The following VDAC1 variants were observed in gnomAD, a reference collection of about 807,000 sequenced individuals.
The protein encoded by VDAC1 is voltage dependent anion channel 1, also known as non-selective voltage-gated ion channel VDAC1.
A neutral mutation model predicts 34.7 loss-of-function variants in VDAC1; 10 were observed. The ratio of observed to expected loss-of-function variants is 0.29; its 90% CI spans 0.18 to 0.49. The LOEUF is 0.49. Among genes scored for constraint, VDAC1 ranks in the 20% least tolerant of loss-of-function variants. The probability of loss-of-function intolerance (pLI) is 0.99; values close to 1 mark genes in which losing one functional copy is unlikely to be tolerated. For synonymous variants in VDAC1, 130 were observed against 136.0 expected (o/e 0.96, Z 0.30); for missense variants, 230 against 347.9 (o/e 0.66, Z 2.69).
At chr5:134,074,251 G>A in the VDAC1 span, among the ~76,000 whole-genome samples, 14 of 151,852 alleles carry the variant, frequency 9.2e-5, 1 homozygote, top group East Asian at 5.8e-4. Context: ...GGCAGAGCTC[G>A]CAGTGAGCCA....
the VDAC1 span, among the ~76,000 whole-genome samples, chr5:134,114,352 TG>T: frequency 2.0e-5 from 3 of 152,044 alleles, no homozygotes; most frequent in African/African-American, 7.2e-5. Context: ...ACGGCTGCGA[TG>T]GTAAGCCACG....
the VDAC1 span, among the ~76,000 whole-genome samples, chr5:134,038,911 CATT>C: frequency 1.6e-3 from 190 of 120,988 alleles, no homozygotes; most frequent in African/African-American, 7.1e-3. Context: ...TTGTGTCTAT[CATT>C]GAGATAGACA....
At chr5:134,031,781 T>G in the VDAC1 span, among the ~76,000 whole-genome samples, 1 of 151,516 alleles carries the variant, frequency 6.6e-6, no homozygotes, top group Non-Finnish European at 1.5e-5. Context: ...CGAAACCCCA[T>G]CTCTACTAAA....
the VDAC1 span, among the ~76,000 whole-genome samples, chr5:134,072,535 G>A: frequency 1.3e-5 from 2 of 152,160 alleles, no homozygotes; most frequent in Non-Finnish European, 2.9e-5. Flanking sequence ...ACAGCACACT[G>A]GGGGGAAAGG....
the VDAC1 span, among the ~76,000 whole-genome samples, chr5:134,070,150 A>T: frequency 6.6e-6 from 1 of 151,250 alleles, no homozygotes; most frequent in Admixed American, 6.6e-5. Flanking sequence ...TTACTTTCTT[A>T]TTTTTTTTGG....
At chr5:134,040,519 G>A in the VDAC1 span, among the ~76,000 whole-genome samples, 1 of 151,910 alleles carries the variant, frequency 6.6e-6, no homozygotes, top group East Asian at 1.9e-4. Context: ...AGGTTGCAGT[G>A]AGCCGAGACC....
chr5:133,999,836 A>G (rs753887904), intron 1 of VDAC1, among the ~76,000 whole-genome samples: 3 of 152,132 alleles, frequency 2.0e-5, no homozygotes, highest in Non-Finnish European at 2.9e-5. Context: ...AACCATCATC[A>G]TCATCATTGC....
the VDAC1 span, among the ~76,000 whole-genome samples, chr5:134,032,124 C>CAAAAA: frequency 8.5e-3 from 308 of 36,098 alleles, 40 homozygotes; most frequent in African/African-American, 0.034. Flanking sequence ...CTCTGCCTCA[C>CAAAAA]AAAAAAAAAA....
At chr5:134,017,861 C>G in the VDAC1 span, among the ~76,000 whole-genome samples, 10 of 151,958 alleles carry the variant, frequency 6.6e-5, 1 homozygote, top group South Asian at 2.1e-3. Context: ...TGCAGTGAGC[C>G]GAGATTGTGC....
chr5:134,004,025 C>G lies in VDAC1; in HGVS notation c.-7+870G>C, dbSNP rs560470217. On this transcript the variant is annotated intron_variant, in intron 1 of 8. Coordinates refer to ENST00000265333, the MANE Select transcript of VDAC1 (RefSeq NM_003374.3). ...CGAGGCCAAACCTTCAGCCCAGGCC[C>G]GAGCTCCGGCCTCTACCGCCTAAGT... Among the ~76,000 whole-genome samples the G allele has an allele frequency of 2.7e-4, 41 of 152,368 alleles. 1 individual carries two copies. The South Asian group carries it at 8.5e-3, about 32-fold the overall frequency.
chr5:134,102,783 C>T, the VDAC1 span, among the ~76,000 whole-genome samples: 5 of 152,104 alleles, frequency 3.3e-5, no homozygotes, highest in Non-Finnish European at 7.4e-5. Context: ...TACTTAGCTG[C>T]ATGCTTCAAG....
the VDAC1 span, among the ~76,000 whole-genome samples, chr5:134,033,815 A>AC: frequency 4.0e-5 from 6 of 151,820 alleles, no homozygotes; most frequent in South Asian, 2.1e-4. Context: ...ACACGGTGAA[A>AC]CCCCGTCTCT....
chr5:134,065,567 C>T, the VDAC1 span, among the ~76,000 whole-genome samples: 1 of 151,918 alleles, frequency 6.6e-6, no homozygotes, highest in South Asian at 2.1e-4. Flanking sequence ...TCTCAAACTC[C>T]TGGCCTCAAG....
chr5:134,100,241 T>C, the VDAC1 span, among the ~76,000 whole-genome samples: 1 of 152,204 alleles, frequency 6.6e-6, no homozygotes, highest in Non-Finnish European at 1.5e-5. Context: ...GGGCTCTCCC[T>C]GAAAGCAAGC....
the VDAC1 span, among the ~76,000 whole-genome samples, chr5:134,053,005 C>T: frequency 1.3e-5 from 2 of 152,160 alleles, no homozygotes; most frequent in Admixed American, 6.5e-5. Flanking sequence ...ATCCCAGCTA[C>T]CCGGGAGGCT....
chr5:133,976,036 AG>A lies in VDAC1; in HGVS notation c.552-16del. 6.2e-7 allele frequency: 1 copy of A among 1,614,108 alleles called. No individual in the cohort carries two copies. The highest frequency in any genetic ancestry group is 8.5e-7 in the Non-Finnish European group (1 of 1,179,944). On this transcript the variant is annotated splice_polypyrimidine_tract_variant and intron_variant, in intron 6 of 8. Coordinates refer to ENST00000265333, the MANE Select transcript of VDAC1 (RefSeq NM_003374.3). ...TCCCGTCATTCCTGCAAACAAGCACAGGACAGATGCTGAGCTTCCCAGGGAG... is the reference window on the plus strand; with the variant it reads ...TCCCGTCATTCCTGCAAACAAGCACAGACAGATGCTGAGCTTCCCAGGGAG...
the VDAC1 span, among the ~76,000 whole-genome samples, chr5:134,064,732 T>C: frequency 6.6e-6 from 1 of 152,038 alleles, no homozygotes; most frequent in Non-Finnish European, 1.5e-5. Flanking sequence ...TTTTTTCCTT[T>C]TTTGAGCTAA....
chr5:134,007,148 G>C (rs1352560520), upstream of VDAC1, among the ~76,000 whole-genome samples: 3 of 151,930 alleles, frequency 2.0e-5, no homozygotes, highest in African/African-American at 7.3e-5. Context: ...TGAAGCTAAG[G>C]CAGGAGAATT....
At chr5:133,997,425 G>A (rs1753356623) in intron 1 of VDAC1, among the ~76,000 whole-genome samples, 1 of 151,968 alleles carries the variant, frequency 6.6e-6, no homozygotes, top group African/African-American at 2.4e-5. Flanking sequence ...AGAATAAGGT[G>A]GGTGGCTCAT....
Sources: allele counts gnomAD v4.1 joint callset (sites outside exome capture counted in the v4.1 genomes callset), GRCh38; gene constraint gnomAD v4.1.1; transcripts MANE v1.5; gene names NCBI Gene and HGNC (gene_info 2026-07-23, HGNC 2026-07-21).